BET1: variants seen among roughly 807,000 people sequenced by gnomAD.
The protein encoded by BET1 is BET1 homolog.
In BET1, 9 loss-of-function variants were observed where a neutral mutation model predicts 13.9. The observed-to-expected ratio is 0.65, with a 90% confidence interval of 0.39 to 1.13. BET1 has a LOEUF of 1.13. Ranked by LOEUF, BET1 falls within the 50% of genes most tolerant of loss-of-function variation. BET1 has a pLI of 0.01. For missense variants in BET1, 127 were observed against 133.6 expected, an observed-to-expected ratio of 0.95 and a Z score of 0.24; for synonymous variants, 39 against 47.3, an observed-to-expected ratio of 0.82 and a Z score of 0.72.
At chr7:93,982,995 A>G (rs1265440007) in intron 4 of BET1, among the ~76,000 whole-genome samples, 2 of 152,192 alleles carry the variant, frequency 1.3e-5, no homozygotes, top group Non-Finnish European at 2.9e-5. Context: ...AACAGGGCAG[A>G]TAAGGCATTC....
chr7:93,975,023 A>C (rs1391052625), intron 5 of BET1, among the ~76,000 whole-genome samples: 2 of 152,020 alleles, frequency 1.3e-5, no homozygotes, highest in African/African-American at 4.8e-5. Context: ...TCTAATCATG[A>C]GAAACATCAA....
At chr7:93,991,872 T>C, downstream of BET1, 1 of 973,972 alleles carries the variant, frequency 1.0e-6, no homozygotes, top group African/African-American at 1.8e-5. Flanking sequence ...AAACACTTTT[T>C]CAACATTCTC....
chr7:93,981,957 A>G (rs1392127189), intron 4 of BET1, among the ~76,000 whole-genome samples: 1 of 152,150 alleles, frequency 6.6e-6, no homozygotes, highest in Non-Finnish European at 1.5e-5. Flanking sequence ...GGGAGAGTGG[A>G]TAGGCGAAGC....
intron 4 of BET1, among the ~76,000 whole-genome samples, chr7:93,985,334 T>C (rs951815376): frequency 7.9e-5 from 12 of 152,180 alleles, no homozygotes; most frequent in Admixed American, 7.9e-4. Flanking sequence ...TTTCGGTTGT[T>C]TAATGGCTCT....
At chr7:93,992,313 T>A, downstream of BET1, 6 of 985,238 alleles carry the variant, frequency 6.1e-6, no homozygotes, top group South Asian at 4.7e-5. Context: ...TTAAAATTTT[T>A]AAATATTTTA....
chr7:93,990,336 G>A (rs182578781), downstream of BET1, among the ~76,000 whole-genome samples: 450 of 151,942 alleles, frequency 3.0e-3, 6 homozygotes, highest in African/African-American at 0.01. Context: ...CCAGCTGGTC[G>A]AACTATTTAT....
At chr7:93,980,822 AC>A (rs1795415096) in intron 4 of BET1, among the ~76,000 whole-genome samples, 2 of 152,148 alleles carry the variant, frequency 1.3e-5, no homozygotes, top group South Asian at 4.1e-4. Flanking sequence ...AAGAAGTAAA[AC>A]TGTCTGTGTT....
At chr7:93,994,517 C>A in intron 3 of BET1, 132 bp from the exon 4 acceptor site, 1 of 1,001,012 alleles carries the variant, frequency 1.0e-6, no homozygotes, top group South Asian at 2.1e-5. Flanking sequence ...AATTCAGGAG[C>A]CTGTTGATAA....
At chr7:93,974,941 A>G (rs1795313479) in intron 5 of BET1, among the ~76,000 whole-genome samples, 1 of 152,114 alleles carries the variant, frequency 6.6e-6, no homozygotes, top group African/African-American at 2.4e-5. Context: ...CATGATATAC[A>G]TATATTGACA....
downstream of BET1, among the ~76,000 whole-genome samples, chr7:93,988,812 C>T (rs1795573910): frequency 6.6e-6 from 1 of 151,296 alleles, no homozygotes; most frequent in Non-Finnish European, 1.5e-5. Context: ...TTTCTCCTGT[C>T]TCTCCTTCCT....
At chr7:94,001,795 G>A (rs901807469) in intron 1 of BET1, among the ~76,000 whole-genome samples, 1 of 152,172 alleles carries the variant, frequency 6.6e-6, no homozygotes, top group Non-Finnish European at 1.5e-5. Context: ...TACCCAATAA[G>A]TAATTACTGA....
chr7:93,972,041 C>T (rs892136870), intron 6 of BET1, among the ~76,000 whole-genome samples: 2 of 151,626 alleles, frequency 1.3e-5, no homozygotes, highest in African/African-American at 4.8e-5. Flanking sequence ...AGGTGTCAAG[C>T]TAAGATTGTG....
At chr7:94,002,060 C>A (rs1167056905) in intron 1 of BET1, among the ~76,000 whole-genome samples, 1 of 152,112 alleles carries the variant, frequency 6.6e-6, no homozygotes, top group East Asian at 1.9e-4. Flanking sequence ...AAAGTAAAAA[C>A]CAAATAAAAT....
At chr7:93,986,114 G>A (rs753345587) in intron 4 of BET1, among the ~76,000 whole-genome samples, 3 of 152,050 alleles carry the variant, frequency 2.0e-5, no homozygotes, top group Non-Finnish European at 4.4e-5. Context: ...AAATCTGTTC[G>A]GTTTTTGTTA....
intron 5 of BET1, among the ~76,000 whole-genome samples, chr7:93,973,695 C>A (rs527991373): frequency 1.6e-4 from 25 of 152,088 alleles, no homozygotes; most frequent in African/African-American, 6.0e-4. Context: ...AACACCTGGC[C>A]TCTGGGCCCT....
Position 93,972,370 on chromosome 7 carries a change from T to C in BET1, c.*137+205A>G, listed in dbSNP as rs539519677. The C allele has an allele frequency of 3.9e-5, 6 of 152,050 alleles. No individual in the cohort carries two copies. In the South Asian group the frequency reaches 8.3e-4, roughly 21 times the overall value. The allele number at this position is 152,050 out of a possible 1,614,324, so 9.4% of individuals were successfully genotyped here. ...ATTAACATTTACAGAAAACCTATTA[T>C]GTGCCACGCATCTTGACACAAATTT... On this transcript the variant is annotated intron_variant and NMD_transcript_variant, in intron 6 of 6. Transcript: ENST00000357520.
intron 4 of BET1, among the ~76,000 whole-genome samples, chr7:93,981,809 C>G (rs1345074784): frequency 6.6e-6 from 1 of 152,194 alleles, no homozygotes; most frequent in African/African-American, 2.4e-5. Context: ...ATGGAGCAGA[C>G]ATTGCAGTCA....
intron 4 of BET1, among the ~76,000 whole-genome samples, chr7:93,977,038 A>G (rs1370951497): frequency 6.6e-6 from 1 of 152,026 alleles, no homozygotes; most frequent in Non-Finnish European, 1.5e-5. Flanking sequence ...ATATATCTAT[A>G]TCTATCTATA....
chr7:93,996,123 T>C (rs1261959312), intron 3 of BET1, 142 bp downstream of exon 3: 6 of 647,728 alleles, frequency 9.3e-6, no homozygotes, highest in South Asian at 2.1e-5. Context: ...ATAAACCTTA[T>C]AGTTATTCCA....
Sources: allele counts gnomAD v4.1 joint callset (sites outside exome capture counted in the v4.1 genomes callset), GRCh38; gene constraint gnomAD v4.1.1; transcripts MANE v1.5; gene names NCBI Gene and HGNC (gene_info 2026-07-23, HGNC 2026-07-21).